EEPD1: variants seen among roughly 807,000 people sequenced by gnomAD.
EEPD1 encodes endonuclease/exonuclease/phosphatase family domain containing 1.
EEPD1 carries 17 observed loss-of-function variants against 46.3 expected under a neutral mutation model. That is an observed-to-expected ratio of 0.37 (90% confidence interval 0.25 to 0.55). The LOEUF (loss-of-function observed/expected upper bound fraction) is 0.55, where lower values mean the gene tolerates loss of function less well. Among genes scored for constraint, EEPD1 ranks in the 20% least tolerant of loss-of-function variants. The pLI is 0.83. For missense variants in EEPD1, 673 were observed against 745.6 expected (o/e 0.90, Z 1.13); for synonymous variants, 313 against 315.6 (o/e 0.99, Z 0.09).
intron 2 of EEPD1, among the ~76,000 whole-genome samples, chr7:36,207,278 C>G (rs901953014): frequency 1.3e-5 from 2 of 152,050 alleles, no homozygotes; most frequent in African/African-American, 4.8e-5. Flanking sequence ...ACATGAGAAA[C>G]CTTTAATCTG....
At chr7:36,185,039 A>G (rs560819043) in intron 2 of EEPD1, among the ~76,000 whole-genome samples, 1 of 152,296 alleles carries the variant, frequency 6.6e-6, no homozygotes, top group Admixed American at 6.5e-5. Flanking sequence ...GCTAAAATAT[A>G]AAGAATTAAT....
At chr7:36,216,750 T>C (rs995763513) in intron 2 of EEPD1, among the ~76,000 whole-genome samples, 6 of 152,218 alleles carry the variant, frequency 3.9e-5, no homozygotes, top group Non-Finnish European at 8.8e-5. Context: ...CTTAATGACA[T>C]GAGGTCATAT....
Position 36,233,165 on chromosome 7 carries a change from G to A in EEPD1, c.879-5820G>A, listed in dbSNP as rs112341909. Among the ~76,000 whole-genome samples the A allele has an allele frequency of 1.8e-3, 268 of 152,352 alleles. 2 individuals carry two copies. Among genetic ancestry groups the A allele is most frequent in the Middle Eastern group, 6.8e-3 (2 of 294 alleles). On this transcript the variant is annotated intron_variant, in intron 2 of 7. Transcript: ENST00000242108. Reference sequence around the variant, plus strand: ...TGGATAGTCCTAACTTAGCATATAAGTTGCTGTCCAGATTGGTAACCTGGA... The same window carrying A: ...TGGATAGTCCTAACTTAGCATATAAATTGCTGTCCAGATTGGTAACCTGGA...
In EEPD1 at chr7:36,234,671, C is replaced by CAA. The variant is rs74272012; in HGVS notation, c.879-4300_879-4299dup. Among the ~76,000 whole-genome samples, 7 of 115,038 alleles carry CAA rather than the reference C, an allele frequency of 6.1e-5. No homozygotes were observed. The South Asian group carries it at 1.1e-3, about 18-fold the overall frequency. 75.5% of individuals were successfully genotyped at this position (115,038 alleles called of 152,430 possible). A position where few individuals can be genotyped will look rare whatever the true frequency, so the allele number is the denominator to read the frequency against. On this transcript the variant is annotated intron_variant, in intron 2 of 7. Transcript: ENST00000242108. ...TGGGTGACAAAGTGAGACCCTGTCT[C>CAA]AAAAAAAAAAAAAAAGATAAATTGT...
chr7:36,223,152 A>AT (rs1220134916), intron 2 of EEPD1, among the ~76,000 whole-genome samples: 10 of 148,650 alleles, frequency 6.7e-5, no homozygotes, highest in Admixed American at 1.4e-4. Flanking sequence ...CTGTGTCTCA[A>AT]AAAATAAATA....
chr7:36,238,060 C>G (rs1164767584), intron 2 of EEPD1, among the ~76,000 whole-genome samples: 1 of 152,178 alleles, frequency 6.6e-6, no homozygotes, highest in Non-Finnish European at 1.5e-5. Flanking sequence ...ATTCCCAGAA[C>G]TGAGGGTTCC....
chr7:36,227,140 G>A (rs372663892), intron 2 of EEPD1, among the ~76,000 whole-genome samples: 4 of 152,236 alleles, frequency 2.6e-5, no homozygotes, highest in African/African-American at 4.8e-5. Flanking sequence ...GTATAATTTT[G>A]TGCTCAAAAT....
Position 36,249,219 on chromosome 7 carries a change from G to T in EEPD1, c.930+10183G>T, listed in dbSNP as rs147420776. Among the ~76,000 whole-genome samples the T allele has an allele frequency of 5.2e-3, 799 of 152,194 alleles. 11 individuals carry two copies. The highest frequency in any genetic ancestry group is 0.018 in the African/African-American group (741 of 41,510). On this transcript the variant is annotated intron_variant, in intron 3 of 7. Coordinates refer to ENST00000242108, the MANE Select transcript of EEPD1 (RefSeq NM_030636.3). The stretch of plus-strand genomic sequence containing the variant: ...AAGATAAGCAAATTAAACCATGAGG[G>T]TTCATTTTAAATTTATTGCATTAGT...
chr7:36,244,153 T>C (rs1786600494), intron 3 of EEPD1, among the ~76,000 whole-genome samples: 1 of 152,168 alleles, frequency 6.6e-6, no homozygotes, highest in African/African-American at 2.4e-5. Context: ...TTTACTGTCA[T>C]GCAGCTGAGC....
rs903866058 is a variant in EEPD1, at chr7:36,274,057, C to T, written c.931-7058C>T. ...CCTGGAGCCCCCAAGACACACTGCT[C>T]CCTGCCCTACCTTGGGCCTGCCCCC... On this transcript the variant is annotated intron_variant, in intron 3 of 7. Coordinates refer to ENST00000242108, the MANE Select transcript of EEPD1 (RefSeq NM_030636.3). 3.9e-5 allele frequency among the ~76,000 whole-genome samples: 6 copies of T among 152,226 alleles called. No individual in the cohort carries two copies. The East Asian group carries it at 1.2e-3, about 29-fold the overall frequency.
chr7:36,299,032 C>T lies in EEPD1; in HGVS notation c.1536C>T (p.Gly512=). Residue 512 remains glycine (G), a synonymous_variant, in exon 8 of 8, where the codon GGC becomes GGT. Coordinates refer to ENST00000242108, the MANE Select transcript of EEPD1 (RefSeq NM_030636.3). ...GTCACTGGGCTGTGGTGAGAGAAGG[C>T]CTCACGAACCCTTGGATTCCGGATA... The part of the protein sequence containing the change: ...FTGHWAVVRE[G]LTNPWIPDNW... 1 of 1,614,172 alleles carries T rather than the reference C, an allele frequency of 6.2e-7. No individual in the cohort carries two copies. Among genetic ancestry groups the T allele is most frequent in the Non-Finnish European group, 8.5e-7 (1 of 1,180,032 alleles).
At chr7:36,187,792 AT>A (rs977111614) in intron 2 of EEPD1, among the ~76,000 whole-genome samples, 1 of 151,924 alleles carries the variant, frequency 6.6e-6, no homozygotes, top group Non-Finnish European at 1.5e-5. Flanking sequence ...TTGTGCTGGT[AT>A]TTTTTTATTA....
chr7:36,299,594 T>C lies in EEPD1; in HGVS notation c.*388T>C, dbSNP rs1388358504. 1 of 238,188 alleles carries C rather than the reference T, an allele frequency of 4.2e-6. No homozygotes were observed. The allele number at this position is 238,188 out of a possible 1,614,324, so 14.8% of individuals were successfully genotyped here. On this transcript the variant is annotated 3_prime_UTR_variant, in exon 8 of 8. Transcript: ENST00000242108. ...AGTCCAGCAGCGCCAGAAGCACTCA[T>C]TTCTGACCACCAGGCTATGACGTTC...
In EEPD1 at chr7:36,155,157, A is replaced by G. The variant is rs1212996749; in HGVS notation, c.833A>G (p.Asn278Ser). The change falls in exon 2 of 8, where the codon AAC becomes AGC. Residue 278 changes from asparagine (N) to serine (S), a missense_variant. Physicochemically the swap from Asn to Ser is conservative, Grantham distance 46. Transcript: ENST00000242108. ...LQGCSVEKANNPGVREVVCMT... is the reference protein window; with the variant it reads ...LQGCSVEKANSPGVREVVCMT... ...GGCTGTTCCGTGGAGAAGGCCAACA[A>G]CCCCGGGGTGCGAGAGGTGGTGTGC... The G allele has an allele frequency of 6.6e-7, 1 of 1,522,520 alleles. No homozygotes were observed. Among genetic ancestry groups the G allele is most frequent in the South Asian group, 1.3e-5 (1 of 75,804 alleles). The allele number at this position is 1,522,520 out of a possible 1,614,324, so 94.3% of individuals were successfully genotyped here.
At chr7:36,278,324 A>G (rs374128740) in intron 3 of EEPD1, among the ~76,000 whole-genome samples, 20 of 152,138 alleles carry the variant, frequency 1.3e-4, no homozygotes, top group South Asian at 2.1e-4. Flanking sequence ...GGGAGATACA[A>G]TTGTCCTCAG....
chr7:36,179,539 G>A (rs1785236770), intron 2 of EEPD1, among the ~76,000 whole-genome samples: 1 of 151,656 alleles, frequency 6.6e-6, no homozygotes, highest in African/African-American at 2.4e-5. Context: ...TGGCCAAGAT[G>A]GCAAGAAAGG....
intron 2 of EEPD1, among the ~76,000 whole-genome samples, chr7:36,165,155 C>T (rs888755193): frequency 6.6e-6 from 1 of 152,156 alleles, no homozygotes; most frequent in Non-Finnish European, 1.5e-5. Flanking sequence ...CCCACTCACT[C>T]AGAGCAACGT....
At chr7:36,264,923 A>C (rs961014739) in intron 3 of EEPD1, among the ~76,000 whole-genome samples, 8 of 152,166 alleles carry the variant, frequency 5.3e-5, no homozygotes, top group Admixed American at 5.2e-4. Flanking sequence ...AAAAAAAAAA[A>C]AACAAAAATC....
At position 36,154,471 on chromosome 7, in the gene EEPD1, G is replaced by A; in HGVS notation, c.147G>A (p.Glu49=). The A allele has an allele frequency of 1.1e-5, 18 of 1,614,252 alleles. No homozygotes were observed. Among genetic ancestry groups the A allele is most frequent in the Non-Finnish European group, 1.5e-5 (18 of 1,180,044 alleles). The change falls in exon 2 of 8, where the codon GAG becomes GAA. Residue 49 remains glutamate (E), a synonymous_variant. Coordinates refer to ENST00000242108, the MANE Select transcript of EEPD1 (RefSeq NM_030636.3). This position sits in a 1 kb window ranked among gnomAD's most constrained non-coding sequence, Gnocchi z 4.2. ...ACATCAACACTGCCACGGAGGAGGA[G>A]CTGATGACCCTGCCTGGGGTGACGC... The part of the protein sequence containing the change: ...RLNINTATEE[E]LMTLPGVTRA...
Sources: gnomAD v4.1 joint callset for allele counts (sites outside exome capture counted in the v4.1 genomes callset) on GRCh38, gnomAD v4.1.1 for gene constraint, Gnocchi (gnomAD v3.1) non-coding constraint, MANE v1.5 for transcripts, NCBI Gene and HGNC (gene_info 2026-07-23, HGNC 2026-07-21) for gene names.